JMJD7: variants seen among roughly 807,000 people sequenced by gnomAD.
JMJD7 encodes jumonji domain containing 7, also known as bifunctional peptidase and (3S)-lysyl hydroxylase JMJD7.
JMJD7 carries 41 observed loss-of-function variants against 41.1 expected under a neutral mutation model. That is an observed-to-expected ratio of 1.00 (90% CI 0.78 to 1.30). JMJD7 has a LOEUF of 1.30. Among genes scored for constraint, JMJD7 ranks in the 50% most tolerant of loss-of-function variants. JMJD7 has a pLI of 0.00. For missense variants in JMJD7, 480 were observed against 420.7 expected (o/e 1.14, Z -1.23); for synonymous variants, 202 against 177.2 (o/e 1.14, Z -1.11).
At chr15:41,835,802 C>T (rs1197046481) in intron 4 of JMJD7, among the ~76,000 whole-genome samples, 158 bp downstream of exon 4, 2 of 152,206 alleles carry the variant, frequency 1.3e-5, no homozygotes, top group Non-Finnish European at 2.9e-5. Flanking sequence ...AGGGTTTCCC[C>T]TGACAGCTGA....
intron 1 of JMJD7, among the ~76,000 whole-genome samples, chr15:41,833,178 A>G (rs1011641887): frequency 6.6e-6 from 1 of 152,064 alleles, no homozygotes; most frequent in African/African-American, 2.4e-5. Flanking sequence ...GAATTAAGCC[A>G]GAGAAACCAG....
intron 1 of JMJD7, chr15:41,832,429 GGC>G (rs1401490324): frequency 1.2e-5 from 2 of 160,496 alleles, no homozygotes; most frequent in African/African-American, 4.8e-5. Flanking sequence ...CTTCAGCCTG[GGC>G]AACAGAGCAA....
chr15:41,831,996 T>G (rs999491255), intron 1 of JMJD7, among the ~76,000 whole-genome samples: 7 of 152,198 alleles, frequency 4.6e-5, no homozygotes, highest in African/African-American at 1.4e-4. Flanking sequence ...TCTGACACCC[T>G]CTTTAGGGCT....
rs373067846 is a variant in JMJD7 at position 41,837,174 on chromosome 15, C to T, written c.*18C>T. Reference sequence around the variant, plus strand: ...TTGACTGATGGAGCACTGGTGAACACCACCAAGCACGCCTCGGGGGACGGA... The same window carrying T: ...TTGACTGATGGAGCACTGGTGAACATCACCAAGCACGCCTCGGGGGACGGA... On this transcript the variant is annotated 3_prime_UTR_variant, in exon 8 of 8. Coordinates refer to ENST00000397299, the MANE Select transcript of JMJD7 (RefSeq NM_001114632.2). 2.3e-4 allele frequency: 366 copies of T among 1,575,028 alleles called. 2 individuals carry two copies. Among genetic ancestry groups the T allele is most frequent in the Non-Finnish European group, 2.9e-4 (335 of 1,148,674 alleles).
chr15:41,828,106 G>T lies in JMJD7; in HGVS notation c.-19G>T. ...GGGCGTCGGGGAAAGGCGGGGTCTC[G>T]GCCGGCGCTGACGCAGCCATGGCGG... On this transcript the variant is annotated 5_prime_UTR_variant, in exon 1 of 8. Coordinates refer to ENST00000397299, the MANE Select transcript of JMJD7 (RefSeq NM_001114632.2). 1 of 1,433,924 alleles carries T rather than the reference G, an allele frequency of 7.0e-7. No individual in the cohort carries two copies. Among genetic ancestry groups the T allele is most frequent in the Non-Finnish European group, 9.1e-7 (1 of 1,097,204 alleles). 88.8% of individuals were successfully genotyped at this position (1,433,924 alleles called of 1,614,324 possible).
In JMJD7 at chr15:41,836,144, G is replaced by T. The variant is rs1228423704; in HGVS notation, c.530-4G>T. 1.9e-6 allele frequency: 3 copies of T among 1,587,172 alleles called. No homozygotes were observed. The highest frequency in any genetic ancestry group is 4.5e-5 in the East Asian group (2 of 44,580). On this transcript the variant is annotated splice_polypyrimidine_tract_variant and splice_region_variant and intron_variant, in intron 4 of 7. Coordinates refer to ENST00000397299, the MANE Select transcript of JMJD7 (RefSeq NM_001114632.2). ...CTGCCCCCGGGCCTTCTTTCTGTTGGCAGTGCACAAGGACCACTATGAGAA... is the reference window on the plus strand; with the variant it reads ...CTGCCCCCGGGCCTTCTTTCTGTTGTCAGTGCACAAGGACCACTATGAGAA...
rs1028939353 is a variant in JMJD7 at position 41,835,890 on chromosome 15, G to A, written c.529+246G>A. 1.5e-4 allele frequency among the ~76,000 whole-genome samples: 23 copies of A among 152,300 alleles called. No individual in the cohort carries two copies. In the East Asian group the frequency reaches 4.1e-3, roughly 27 times the overall value. ...CCCAAAGAAACCTCCCTGAAGGCCC[G>A]CTGGGCCAGGGGGTAAGTGTAGGAG... On this transcript the variant is annotated intron_variant, in intron 4 of 7. Coordinates refer to ENST00000397299, the MANE Select transcript of JMJD7 (RefSeq NM_001114632.2).
rs747542043 is a variant in JMJD7, at chr15:41,835,651, G to GT, written c.529+8dup. The GT allele has an allele frequency of 6.2e-7, 1 of 1,612,992 alleles. No homozygotes were observed. The highest frequency in any genetic ancestry group is 2.2e-5 in the East Asian group (1 of 44,840). ...GCGGCTGCAGTGACTTCTTGTAGGT[G>GT]TAAGGGGAATACAAAGGTGGGGAAG... On this transcript the variant is annotated splice_region_variant and intron_variant, in intron 4 of 7. Transcript: ENST00000397299.
In JMJD7 at chr15:41,837,137, A is replaced by G. The variant is rs1319050209; in HGVS notation, c.932A>G (p.Lys311Arg). 6.2e-7 allele frequency: 1 copy of G among 1,612,362 alleles called. No individual in the cohort carries two copies. Among genetic ancestry groups the G allele is most frequent in the South Asian group, 1.1e-5 (1 of 90,786 alleles). Reference protein sequence around the residue: ...SYFQLLDSLTKASGLD With the variant: ...SYFQLLDSLTRASGLD ...TTCCAGCTGCTCGACTCCCTCACCA[A>G]GGCTTCAGGCCTTGACTGATGGAGC... The change falls in exon 8 of 8, where the codon AAG becomes AGG. Residue 311 changes from lysine to arginine, a missense_variant. Physicochemically the swap from Lys to Arg is conservative, Grantham distance 26 (BLOSUM62 2). Coordinates refer to ENST00000397299, the MANE Select transcript of JMJD7 (RefSeq NM_001114632.2).
intron 1 of JMJD7, among the ~76,000 whole-genome samples, chr15:41,832,187 C>G (rs2065238475): frequency 6.6e-6 from 1 of 152,218 alleles, no homozygotes; most frequent in African/African-American, 2.4e-5. Flanking sequence ...AGTGGCCAAA[C>G]CCCACACTCA....
chr15:41,837,453 TTGGTGTCC>T lies in JMJD7; in HGVS notation c.*300_*307del. 2.1e-6 allele frequency: 1 copy of T among 471,476 alleles called. No homozygotes were observed. Among genetic ancestry groups the T allele is most frequent in the Non-Finnish European group, 3.8e-6 (1 of 264,046 alleles). 29.2% of individuals were successfully genotyped at this position (471,476 alleles called of 1,614,324 possible). A position where few individuals can be genotyped will look rare whatever the true frequency, so the allele number is the denominator to read the frequency against. On this transcript the variant is annotated 3_prime_UTR_variant, in exon 8 of 8. Coordinates refer to ENST00000397299, the MANE Select transcript of JMJD7 (RefSeq NM_001114632.2). ...TGGGCGAGTCACTGCGTCTCGGGCA[TTGGTGTCC>T]TGTCAGTAAAGAGATAATAATGGCT...
chr15:41,832,143 T>C (rs1158436408), intron 1 of JMJD7, among the ~76,000 whole-genome samples: 2 of 152,222 alleles, frequency 1.3e-5, no homozygotes, highest in Non-Finnish European at 2.9e-5. Context: ...TGAAGCTGCC[T>C]GCCCCACCGC....
rs533259141 is a variant in JMJD7 at position 41,835,058 on chromosome 15, G to C, written c.307G>C (p.Ala103Pro). ...AVRGDRFMMP[A>P]ERRLPLSFVL... is the part of the protein sequence containing the mutation. The stretch of plus-strand genomic sequence containing the variant: ...GAGAGGGGATCGCTTCATGATGCCA[G>C]CTGAGCGCCGCCTGCCCCTGAGCTT... The change falls in exon 3 of 8, where the codon GCT (alanine) becomes CCT (proline). Residue 103 changes from alanine (A) to proline (P), a missense_variant. By Grantham distance (27) the Ala-to-Pro change is conservative. Coordinates refer to ENST00000397299, the MANE Select transcript of JMJD7 (RefSeq NM_001114632.2). 3.1e-6 allele frequency: 5 copies of C among 1,613,862 alleles called. No individual in the cohort carries two copies. The highest frequency in any genetic ancestry group is 1.6e-4 in the Middle Eastern group (1 of 6,062).
chr15:41,833,970 A>G (rs2065271227), intron 1 of JMJD7, among the ~76,000 whole-genome samples: 1 of 152,174 alleles, frequency 6.6e-6, no homozygotes, highest in Non-Finnish European at 1.5e-5. Context: ...GCCAATCAGT[A>G]GGATGACGGG....
chr15:41,831,167 C>T (rs1409921850), intron 1 of JMJD7, among the ~76,000 whole-genome samples: 1 of 152,220 alleles, frequency 6.6e-6, no homozygotes, highest in African/African-American at 2.4e-5. Context: ...CCTGACTCAG[C>T]CAGACCAGAA....
chr15:41,829,501 C>A (rs2065195714), intron 1 of JMJD7, among the ~76,000 whole-genome samples: 1 of 152,280 alleles, frequency 6.6e-6, no homozygotes. Context: ...TTAGTAGAGA[C>A]AAGGCTGGTC....
At chr15:41,832,200 C>T (rs901042692) in intron 1 of JMJD7, among the ~76,000 whole-genome samples, 2 of 152,214 alleles carry the variant, frequency 1.3e-5, no homozygotes, top group East Asian at 1.9e-4. Flanking sequence ...CACACTCATT[C>T]GCTCACACAC....
At position 41,835,630 on chromosome 15, in the gene JMJD7, C is replaced by T. The variant is rs780616647; in HGVS notation, c.515C>T (p.Ala172Val). Residue 172 changes from alanine (A) to valine (V), a missense_variant, in exon 4 of 8, where the codon GCT becomes GTT. Physicochemically the swap from Ala to Val is moderately conservative, Grantham distance 64. Coordinates refer to ENST00000397299, the MANE Select transcript of JMJD7 (RefSeq NM_001114632.2). ...DAVNFWLGEA[A>V]AVTSLHKDHY... ...GTGAACTTCTGGCTGGGGGAGGCGG[C>T]TGCAGTGACTTCTTGTAGGTGTAAG... The T allele has an allele frequency of 1.7e-5, 28 of 1,613,582 alleles. No individual in the cohort carries two copies. In the East Asian group the frequency reaches 6.0e-4, roughly 35 times the overall value.
At chr15:41,830,395 C>T in intron 1 of JMJD7, among the ~76,000 whole-genome samples, 1 of 152,254 alleles carries the variant, frequency 6.6e-6, no homozygotes, top group South Asian at 2.1e-4. Flanking sequence ...ATGCACCTTG[C>T]CCGCCGCCGC....
Sources: gnomAD v4.1 joint callset for allele counts (sites outside exome capture counted in the v4.1 genomes callset) on GRCh38, gnomAD v4.1.1 for gene constraint, MANE v1.5 for transcripts, NCBI Gene and HGNC (gene_info 2026-07-23, HGNC 2026-07-21) for gene names.